The following FAAH2 variants were observed in gnomAD, a reference collection of about 807,000 sequenced individuals.
The protein encoded by FAAH2 is fatty-acid amide hydrolase 2.
A neutral mutation model predicts 36.9 loss-of-function variants in FAAH2; 60 were observed. The observed-to-expected ratio is 1.63, with a 90% CI of 1.32 to 2.02. The LOEUF (loss-of-function observed/expected upper bound fraction) is 2.02, where lower values mean the gene tolerates loss of function less well. FAAH2 is among the 30% of genes most tolerant of loss of function. FAAH2 has a pLI of 0.00. For synonymous variants in FAAH2, 214 were observed against 143.8 expected, an observed-to-expected ratio of 1.49 and a Z score of -3.49; for missense variants, 689 against 397.5, an observed-to-expected ratio of 1.73 and a Z score of -6.23.
At chrX:57,452,695 C>A (rs1204899501) in intron 10 of FAAH2, among the ~76,000 whole-genome samples, 4 of 111,815 alleles carry the variant, frequency 3.6e-5, no homozygotes, top group Non-Finnish European at 1.9e-5. Context: ...CCCAGAATAA[C>A]AGAGTAAGAA....
intron 3 of FAAH2, among the ~76,000 whole-genome samples, chrX:57,321,629 G>T (rs185486892): frequency 1.8e-3 from 199 of 110,159 alleles, no homozygotes; most frequent in Middle Eastern, 4.7e-3. Context: ...AAAATTTTGA[G>T]CCAATGGATG....
intron 7 of FAAH2, among the ~76,000 whole-genome samples, chrX:57,407,387 G>T (rs559478175): frequency 1.8e-5 from 2 of 111,799 alleles, no homozygotes; most frequent in African/African-American, 6.5e-5. Context: ...CATAACCATT[G>T]AGAGTGTTAC....
At chrX:57,392,238 A>G (rs984995723) in intron 7 of FAAH2, among the ~76,000 whole-genome samples, 2 of 111,469 alleles carry the variant, frequency 1.8e-5, no homozygotes, top group African/African-American at 6.5e-5. Context: ...TAGGTATGTC[A>G]TCAGCAAGCA....
intron 10 of FAAH2, among the ~76,000 whole-genome samples, chrX:57,450,416 G>A (rs1284992372): frequency 1.8e-5 from 2 of 111,234 alleles, no homozygotes; most frequent in African/African-American, 3.3e-5. Flanking sequence ...AAGGGTCAGG[G>A]TCAGGACTGA....
intron 3 of FAAH2, among the ~76,000 whole-genome samples, chrX:57,322,040 A>ATT (rs144117570): frequency 2.0e-5 from 2 of 98,100 alleles, no homozygotes; most frequent in Middle Eastern, 5.3e-3. Flanking sequence ...TCCAGATTGC[A>ATT]TTTTTTTTTT....
rs776190278 is a variant in FAAH2, at chrX:57,393,710, A to G, written c.996+12681A>G. ...GCCCAGTCTCTCTCTCCTGTCTTCT[A>G]GAGAAGTGGTGAGAGCCAGGACAGC... On this transcript the variant is annotated intron_variant, in intron 7 of 10. Coordinates refer to ENST00000374900, the MANE Select transcript of FAAH2 (RefSeq NM_174912.4). 210 of 1,017,499 alleles carry G rather than the reference A, an allele frequency of 2.1e-4. 1 individual carries two copies. The African/African-American group carries it at 3.6e-3, about 18-fold the overall frequency. 83.9% of individuals were successfully genotyped at this position (1,017,499 alleles called of 1,213,427 possible). A position where few individuals can be genotyped will look rare whatever the true frequency, so the allele number is the denominator to read the frequency against.
the FAAH2 span, among the ~76,000 whole-genome samples, chrX:57,236,838 G>T: frequency 1.8e-5 from 2 of 110,792 alleles, no homozygotes; most frequent in African/African-American, 6.6e-5. Context: ...ATCTTTTCTT[G>T]TACAGAAGCT....
chrX:57,428,662 G>T (rs1178711689), intron 7 of FAAH2, among the ~76,000 whole-genome samples: 2 of 111,682 alleles, frequency 1.8e-5, no homozygotes, highest in Non-Finnish European at 3.8e-5. Context: ...ATTCAAAAAG[G>T]GTTCTTGGAA....
chrX:57,479,463 T>C (rs1305032765), intron 10 of FAAH2, among the ~76,000 whole-genome samples: 1 of 111,644 alleles, frequency 9.0e-6, no homozygotes, highest in Admixed American at 9.6e-5. Flanking sequence ...CCTCGTTTCC[T>C]AATTGAATGC....
chrX:57,479,136 C>A (rs1246406219), intron 10 of FAAH2, among the ~76,000 whole-genome samples: 3 of 111,272 alleles, frequency 2.7e-5, no homozygotes, highest in Non-Finnish European at 5.7e-5. Context: ...ATTGTTCTTC[C>A]ATTTTTTTGT....
At chrX:57,261,107 T>C in the FAAH2 span, among the ~76,000 whole-genome samples, 1 of 111,731 alleles carries the variant, frequency 9.0e-6, no homozygotes, top group African/African-American at 3.2e-5. Flanking sequence ...AAATTACACT[T>C]GTAATTATAA....
the FAAH2 span, among the ~76,000 whole-genome samples, chrX:57,245,535 G>T: frequency 8.9e-6 from 1 of 112,209 alleles, no homozygotes; most frequent in Non-Finnish European, 1.9e-5. Context: ...CAGTCTCTCA[G>T]ACAACAGGGT....
chrX:57,248,104 AGAG>A, the FAAH2 span, among the ~76,000 whole-genome samples: 1 of 112,266 alleles, frequency 8.9e-6, no homozygotes, highest in Non-Finnish European at 1.9e-5. Context: ...CTAACATTCT[AGAG>A]AAGAACATAT....
the FAAH2 span, among the ~76,000 whole-genome samples, chrX:57,240,723 CGG>C: frequency 8.9e-6 from 1 of 112,039 alleles, no homozygotes; most frequent in Non-Finnish European, 1.9e-5. Context: ...GCAGAAGCTG[CGG>C]GTGGTGCTTA....
chrX:57,463,005 C>A lies in FAAH2; in HGVS notation c.1423+14287C>A, dbSNP rs758253406. Among the ~76,000 whole-genome samples, 11 of 111,989 alleles carry A rather than the reference C, an allele frequency of 9.8e-5. No homozygotes were observed. The East Asian group carries it at 3.1e-3, about 32-fold the overall frequency. ...TGCAAAAATCACAAGCATTCCTATA[C>A]ACCAATAATAGACAAGCAGGGAGCC... is the stretch of plus-strand genomic sequence containing the variant. On this transcript the variant is annotated intron_variant, in intron 10 of 10. Coordinates refer to ENST00000374900, the MANE Select transcript of FAAH2 (RefSeq NM_174912.4).
chrX:57,292,520 A>C lies in FAAH2; in HGVS notation c.215A>C (p.Gln72Pro), dbSNP rs769942516. The change falls in exon 2 of 11, where the codon CAG becomes CCG. Residue 72 changes from glutamine to proline, a missense_variant. Physicochemically the swap from Gln to Pro is moderately conservative, Grantham distance 76. Transcript: ENST00000374900. Reference protein sequence around the residue: ...QRKVKCIDVVQAYINRIKDVN... With the variant: ...QRKVKCIDVVPAYINRIKDVN... The stretch of plus-strand genomic sequence containing the variant: ...CAGGTGAAATGTATAGATGTTGTTC[A>C]GGCTTATATCAACAGAATCAAGGAC... 13 of 1,207,681 alleles carry C rather than the reference A, an allele frequency of 1.1e-5. No homozygotes were observed. In the East Asian group the frequency reaches 2.4e-4, roughly 22 times the overall value.
intron 5 of FAAH2, among the ~76,000 whole-genome samples, chrX:57,347,292 A>AGTTGATTT (rs911771610): frequency 4.5e-5 from 5 of 111,028 alleles, no homozygotes; most frequent in African/African-American, 1.6e-4. Context: ...TGTCTGACTG[A>AGTTGATTT]GTTGATTTGA....
chrX:57,318,102 A>G (rs2052897982), intron 3 of FAAH2, among the ~76,000 whole-genome samples: 1 of 111,756 alleles, frequency 8.9e-6, no homozygotes, highest in African/African-American at 3.2e-5. Context: ...AATTAAAAGA[A>G]CTAGAGAAGC....
At chrX:57,128,803 T>G in the FAAH2 span, among the ~76,000 whole-genome samples, 2 of 111,786 alleles carry the variant, frequency 1.8e-5, no homozygotes, top group Admixed American at 9.5e-5. Flanking sequence ...TAGAATGAAT[T>G]AGATAGACAA....
Sources: gnomAD v4.1 joint callset for allele counts (sites outside exome capture counted in the v4.1 genomes callset) on GRCh38, gnomAD v4.1.1 for gene constraint, MANE v1.5 for transcripts, NCBI Gene and HGNC (gene_info 2026-07-23, HGNC 2026-07-21) for gene names.